CDK14: variants seen among roughly 807,000 people sequenced by gnomAD.
CDK14 encodes the protein cyclin-dependent kinase 14.
CDK14 carries 34 observed loss-of-function variants against 60.7 expected under a neutral mutation model. The ratio of observed to expected loss-of-function variants is 0.56; its 90% CI spans 0.43 to 0.75. The LOEUF is 0.75. Ranked by LOEUF, CDK14 falls within the 30% of genes least tolerant of loss-of-function variation. The pLI is 0.00. For synonymous variants in CDK14, 197 were observed against 203.7 expected (o/e 0.97, Z 0.28); for missense variants, 482 against 564.1 (o/e 0.85, Z 1.47).
intron 5 of CDK14, among the ~76,000 whole-genome samples, chr7:90,849,772 A>G (rs1790588404): frequency 6.6e-6 from 1 of 152,090 alleles, no homozygotes. Flanking sequence ...AATACTGCAC[A>G]GGGTACTTAA....
chr7:91,203,851 T>A (rs1226976977), intron 14 of CDK14, among the ~76,000 whole-genome samples: 1 of 152,200 alleles, frequency 6.6e-6, no homozygotes, highest in African/African-American at 2.4e-5. Flanking sequence ...CTTTCTCTTC[T>A]TGATGTCATG....
intron 14 of CDK14, among the ~76,000 whole-genome samples, chr7:91,157,652 A>G (rs1449716397): frequency 6.6e-6 from 1 of 152,126 alleles, no homozygotes; most frequent in Non-Finnish European, 1.5e-5. Flanking sequence ...TCCCATCTAG[A>G]GAGTGACGGC....
At chr7:91,099,896 AG>A (rs982956423) in intron 12 of CDK14, among the ~76,000 whole-genome samples, 2 of 152,106 alleles carry the variant, frequency 1.3e-5, no homozygotes, top group African/African-American at 4.8e-5. Flanking sequence ...CTGACTTGTG[AG>A]GTTAGACTTT....
intron 8 of CDK14, among the ~76,000 whole-genome samples, chr7:90,946,291 C>T (rs1004700283): frequency 1.8e-4 from 28 of 152,092 alleles, no homozygotes; most frequent in African/African-American, 6.3e-4. Flanking sequence ...AAAGTTGTGA[C>T]ATTTATTTAC....
At chr7:90,736,307 C>A (rs1171478067) in intron 3 of CDK14, among the ~76,000 whole-genome samples, 3 of 133,120 alleles carry the variant, frequency 2.3e-5, no homozygotes, top group South Asian at 2.5e-4. Flanking sequence ...CCTTTTTGTT[C>A]TCTCCCCTGT....
chr7:90,897,383 T>C (rs1325427865), intron 6 of CDK14, among the ~76,000 whole-genome samples: 1 of 152,110 alleles, frequency 6.6e-6, no homozygotes, highest in African/African-American at 2.4e-5. Context: ...CAACACATCA[T>C]GGACATGTGA....
At chr7:90,693,330 C>A (rs1189414581) in intron 2 of CDK14, among the ~76,000 whole-genome samples, 12 of 152,206 alleles carry the variant, frequency 7.9e-5, no homozygotes, top group Admixed American at 7.2e-4. Flanking sequence ...CTGGAATAGA[C>A]CCTAGTCTGT....
At chr7:91,105,990 C>T (rs1799285225) in intron 12 of CDK14, among the ~76,000 whole-genome samples, 1 of 151,882 alleles carries the variant, frequency 6.6e-6, no homozygotes, top group South Asian at 2.1e-4. Context: ...AAAACAGGGA[C>T]AAACAGATGG....
At chr7:90,629,887 C>T (rs762407468) in intron 2 of CDK14, among the ~76,000 whole-genome samples, 12 of 151,896 alleles carry the variant, frequency 7.9e-5, no homozygotes, top group Admixed American at 2.6e-4. Context: ...ATTAGCCAGG[C>T]GTGGTGGCGT....
intron 2 of CDK14, among the ~76,000 whole-genome samples, chr7:90,721,603 A>C (rs1802456374): frequency 6.6e-6 from 1 of 152,128 alleles, no homozygotes; most frequent in African/African-American, 2.4e-5. Flanking sequence ...CACTTCCTGC[A>C]CTGTGAACTG....
intron 14 of CDK14, among the ~76,000 whole-genome samples, chr7:91,182,567 GAT>G (rs753674974): frequency 2.0e-5 from 3 of 151,484 alleles, no homozygotes; most frequent in African/African-American, 7.3e-5. Flanking sequence ...AAAAAAATAG[GAT>G]ATATATATAG....
At chr7:91,067,160 T>C (rs1798006459) in intron 11 of CDK14, among the ~76,000 whole-genome samples, 1 of 152,258 alleles carries the variant, frequency 6.6e-6, no homozygotes, top group Non-Finnish European at 1.5e-5. Context: ...TGTTGTCAAC[T>C]TGGGGCACCA....
intron 6 of CDK14, among the ~76,000 whole-genome samples, chr7:90,866,402 G>A (rs1791189963): frequency 1.3e-5 from 2 of 152,044 alleles, no homozygotes; most frequent in Non-Finnish European, 2.9e-5. Flanking sequence ...TGATTTTGTA[G>A]TTCTGTGTAA....
intron 12 of CDK14, among the ~76,000 whole-genome samples, chr7:91,096,077 A>AC (rs1798980289): frequency 6.6e-6 from 1 of 150,458 alleles, no homozygotes; most frequent in Non-Finnish European, 1.5e-5. Flanking sequence ...AAAAAAAAAA[A>AC]AAAAAAAAAA....
chr7:90,794,261 G>A lies in CDK14; in HGVS notation c.544+3609G>A, dbSNP rs776891855. On this transcript the variant is annotated intron_variant, in intron 5 of 14. Transcript: ENST00000380050. ...CAGGGCGAGATCACAGGACCGGGGC[G>A]AAATTAAAATTGCTAATGAAGTTTC... Among the ~76,000 whole-genome samples, 75 of 152,218 alleles carry A rather than the reference G, an allele frequency of 4.9e-4. 1 individual carries two copies. The highest frequency in any genetic ancestry group is 1.5e-4 in the Non-Finnish European group (10 of 67,988).
chr7:90,968,711 G>T (rs1278429091), intron 9 of CDK14, among the ~76,000 whole-genome samples: 1 of 151,774 alleles, frequency 6.6e-6, no homozygotes, highest in Non-Finnish European at 1.5e-5. Flanking sequence ...CTTTATTATA[G>T]AAATAAATAA....
At chr7:91,008,541 A>G (rs1271695382) in intron 10 of CDK14, among the ~76,000 whole-genome samples, 2 of 151,948 alleles carry the variant, frequency 1.3e-5, no homozygotes, top group Admixed American at 6.6e-5. Context: ...CCAAATGCCT[A>G]TTATTTGGCA....
At chr7:90,890,048 A>G (rs1562815088) in intron 6 of CDK14, among the ~76,000 whole-genome samples, 3 of 152,182 alleles carry the variant, frequency 2.0e-5, no homozygotes, top group Non-Finnish European at 4.4e-5. Flanking sequence ...AATGCTTGCA[A>G]TGTTTTGTTT....
chr7:90,836,796 A>T (rs889575469), intron 5 of CDK14, among the ~76,000 whole-genome samples: 2 of 152,250 alleles, frequency 1.3e-5, no homozygotes, highest in Non-Finnish European at 2.9e-5. Flanking sequence ...GCATTGACCT[A>T]CAATGTTATC....
Sources: gnomAD v4.1 joint callset for allele counts (sites outside exome capture counted in the v4.1 genomes callset) on GRCh38, gnomAD v4.1.1 for gene constraint, MANE v1.5 for transcripts, NCBI Gene and HGNC (gene_info 2026-07-23, HGNC 2026-07-21) for gene names.